The following KHSRP variants were observed in gnomAD, a reference collection of about 807,000 sequenced individuals.
KHSRP encodes far upstream element-binding protein 2.
In KHSRP, 13 loss-of-function variants were observed where a neutral mutation model predicts 94.9. The ratio of observed to expected loss-of-function variants is 0.14; its 90% CI spans 0.09 to 0.22. KHSRP has a LOEUF of 0.22. KHSRP is among the 10% of genes least tolerant of loss of function. KHSRP has a pLI of 1.00. For synonymous variants in KHSRP, 495 were observed against 401.4 expected, an observed-to-expected ratio of 1.23 and a Z score of -2.79; for missense variants, 710 against 1,010.0, an observed-to-expected ratio of 0.70 and a Z score of 4.03.
Position 6,414,462 on chromosome 19 carries a change from T to C in KHSRP, c.*562A>G. On this transcript the variant is annotated 3_prime_UTR_variant, in exon 19 of 19. Coordinates refer to ENST00000600480, the MANE Select transcript of KHSRP (RefSeq NM_001366299.1). Reference sequence around the variant, plus strand: ...CACGACGACATGAACAATCCAGAGATCATGGTGTCCCCACAACACCCCTGT... The same window carrying C: ...CACGACGACATGAACAATCCAGAGACCATGGTGTCCCCACAACACCCCTGT... The C allele has an allele frequency of 6.0e-6, 7 of 1,159,358 alleles. No individual in the cohort carries two copies. Among genetic ancestry groups the C allele is most frequent in the Non-Finnish European group, 6.4e-6 (6 of 939,458 alleles). 71.8% of individuals were successfully genotyped at this position (1,159,358 alleles called of 1,614,324 possible).
At chr19:6,421,570 C>T in intron 3 of KHSRP, 80 bp downstream of exon 3, 1 of 1,485,232 alleles carries the variant, frequency 6.7e-7, no homozygotes, top group Admixed American at 1.7e-5. Flanking sequence ...CTGCCACCTC[C>T]TCAGTGCTTC....
intron 18 of KHSRP, 32 bp downstream of exon 18, chr19:6,415,348 C>G: frequency 1.2e-6 from 2 of 1,612,544 alleles, no homozygotes; most frequent in Non-Finnish European, 1.7e-6. Flanking sequence ...GAGGGCTGCC[C>G]CTGCCCCTGT....
intron 6 of KHSRP, 74 bp from the exon 7 acceptor site, chr19:6,419,334 A>G: frequency 1.4e-6 from 2 of 1,381,052 alleles, no homozygotes; most frequent in South Asian, 2.6e-5. Flanking sequence ...ACACGAGGAA[A>G]CTTTCAGAAC....
chr19:6,419,103 G>C, intron 7 of KHSRP, 100 bp downstream of exon 7: 1 of 1,240,828 alleles, frequency 8.1e-7, no homozygotes, highest in Non-Finnish European at 1.1e-6. Context: ...CAAGAATGGA[G>C]GACATGGCGT....
At position 6,414,510 on chromosome 19, in the gene KHSRP, C is replaced by T. The variant is rs997048992; in HGVS notation, c.*514G>A. 62 of 1,050,720 alleles carry T rather than the reference C, an allele frequency of 5.9e-5. No homozygotes were observed. Among genetic ancestry groups the T allele is most frequent in the Non-Finnish European group, 6.6e-5 (58 of 872,466 alleles). The allele number at this position is 1,050,720 out of a possible 1,614,324, so 65.1% of individuals were successfully genotyped here. A position where few individuals can be genotyped will look rare whatever the true frequency, so the allele number is the denominator to read the frequency against. On this transcript the variant is annotated 3_prime_UTR_variant, in exon 19 of 19. Transcript: ENST00000600480. Reference sequence around the variant, plus strand: ...TGTGAGGTAGGTTGGAAGGTGGCAACGATCTTCACGCCCACTTCACAGACA... The same window carrying T: ...TGTGAGGTAGGTTGGAAGGTGGCAATGATCTTCACGCCCACTTCACAGACA...
At position 6,424,731 on chromosome 19, in the gene KHSRP, G is replaced by A; in HGVS notation, c.-30C>T. On this transcript the variant is annotated 5_prime_UTR_variant, in exon 1 of 19. Coordinates refer to ENST00000600480, the MANE Select transcript of KHSRP (RefSeq NM_001366299.1). Reference sequence around the variant, plus strand: ...CGGCGGGGCCGGGCCTGGCGCGGAGGCTGAAGCTGAGGAGGCGGCGGCGGC... The same window carrying A: ...CGGCGGGGCCGGGCCTGGCGCGGAGACTGAAGCTGAGGAGGCGGCGGCGGC... The A allele has an allele frequency of 9.9e-7, 1 of 1,009,112 alleles. No individual in the cohort carries two copies. 62.5% of individuals were successfully genotyped at this position (1,009,112 alleles called of 1,614,324 possible).
chr19:6,418,998 G>C lies in KHSRP; in HGVS notation c.606-122C>G. ...GTGTGCAAGGATGACAGGGAAGAGG[G>C]GCCAGTCACAGGGGCTGTTCAGGCT... On this transcript the variant is annotated intron_variant, in intron 7 of 18. Coordinates refer to ENST00000600480, the MANE Select transcript of KHSRP (RefSeq NM_001366299.1). This position sits in a 1 kb window ranked among gnomAD's most constrained non-coding sequence, Gnocchi z 4.3. 1 of 1,199,480 alleles carries C rather than the reference G, an allele frequency of 8.3e-7. No individual in the cohort carries two copies. Among genetic ancestry groups the C allele is most frequent in the Non-Finnish European group, 1.1e-6 (1 of 879,618 alleles). 74.3% of individuals were successfully genotyped at this position (1,199,480 alleles called of 1,614,324 possible).
chr19:6,417,585 G>A (rs1288611103), intron 11 of KHSRP, among the ~76,000 whole-genome samples, 154 bp downstream of exon 11: 1 of 152,222 alleles, frequency 6.6e-6, no homozygotes, highest in Admixed American at 6.5e-5. Flanking sequence ...TCCCAGAGAA[G>A]AGAAGGGACT....
rs1345239648 is a variant in KHSRP, at chr19:6,416,637, C to G, written c.1341G>C (p.Val447=). The G allele has an allele frequency of 6.2e-7, 1 of 1,613,922 alleles. No homozygotes were observed. The highest frequency in any genetic ancestry group is 1.1e-5 in the South Asian group (1 of 91,082). ...CTCCCGTCTGCTGGTTTATGGCTTT[C>G]ACATTCTCGCCACCTGCAGAAACGC... The part of the protein sequence containing the change: ...GLVIGRGGEN[V]KAINQQTGAF... Residue 447 remains valine (V), a synonymous_variant, in exon 14 of 19, where the codon GTG becomes GTC. Transcript: ENST00000600480.
intron 2 of KHSRP, among the ~76,000 whole-genome samples, chr19:6,422,028 C>T (rs2092198132): frequency 6.6e-6 from 1 of 152,306 alleles, no homozygotes; most frequent in South Asian, 2.1e-4. Context: ...TCACACTACG[C>T]ACCCCAGAGC....
chr19:6,424,421 G>C (rs1296312653), intron 1 of KHSRP, 32 bp downstream of exon 1: 39 of 979,160 alleles, frequency 4.0e-5, no homozygotes, highest in Non-Finnish European at 4.4e-5. Context: ...GCGCGCGCGC[G>C]AGCGCGCCCC....
chr19:6,421,675 G>C lies in KHSRP; in HGVS notation c.360C>G (p.Ser120Arg). 2 of 1,613,910 alleles carry C rather than the reference G, an allele frequency of 1.2e-6. No homozygotes were observed. The highest frequency in any genetic ancestry group is 8.5e-7 in the Non-Finnish European group (1 of 1,179,888). The change falls in exon 3 of 19, where the codon AGC (serine) becomes AGG (arginine). Residue 120 changes from serine to arginine, a missense_variant. By Grantham distance (110) the Ser-to-Arg change is moderately radical. This residue lies in a region of KHSRP where 288 missense variants were observed against 501.1 expected (regional missense o/e 0.57). Coordinates refer to ENST00000600480, the MANE Select transcript of KHSRP (RefSeq NM_001366299.1). The stretch of plus-strand genomic sequence containing the variant: ...AGTCTCCCTGGGAAGCCAGCTTCTT[G>C]CTCTCCGGTTGATCTGGGAAAGAGA... ...RQLEDGDQPE[S>R]KKLASQGDSI...
chr19:6,422,087 C>T (rs1231782269), intron 2 of KHSRP, among the ~76,000 whole-genome samples: 1 of 152,172 alleles, frequency 6.6e-6, no homozygotes, highest in African/African-American at 2.4e-5. Flanking sequence ...GTTGCCTCAG[C>T]CTCCCAGAAA....
rs8112402 is a variant in KHSRP at position 6,420,069 on chromosome 19, A to T, written c.547+4T>A. 1 of 1,611,362 alleles carries T rather than the reference A, an allele frequency of 6.2e-7. No individual in the cohort carries two copies. Among genetic ancestry groups the T allele is most frequent in the Non-Finnish European group, 8.5e-7 (1 of 1,177,578 alleles). ...ACTCTGGCAGGAACCTGACGCTCTT[A>T]TACCTGGAGAAATCTGTACTTTGCA... is the stretch of plus-strand genomic sequence containing the variant. On this transcript the variant is annotated splice_donor_region_variant and intron_variant, in intron 6 of 18. Coordinates refer to ENST00000600480, the MANE Select transcript of KHSRP (RefSeq NM_001366299.1).
chr19:6,415,020 G>A lies in KHSRP; in HGVS notation c.*4C>T, dbSNP rs2092132736. The stretch of plus-strand genomic sequence containing the variant: ...CTCCGGCCACACGGCCCCCGCTGCA[G>A]GCATCAAGGGCACACCCCGCAGGGG... On this transcript the variant is annotated 3_prime_UTR_variant, in exon 19 of 19. Coordinates refer to ENST00000600480, the MANE Select transcript of KHSRP (RefSeq NM_001366299.1). The A allele has an allele frequency of 2.0e-6, 3 of 1,478,858 alleles. No homozygotes were observed. The highest frequency in any genetic ancestry group is 1.8e-6 in the Non-Finnish European group (2 of 1,123,262). 91.6% of individuals were successfully genotyped at this position (1,478,858 alleles called of 1,614,324 possible).
At position 6,414,259 on chromosome 19, in the gene KHSRP, G is replaced by C. The variant is rs756705390; in HGVS notation, c.*765C>G. ...CCCAAACCTGCGCTGGCTCAGGCTG[G>C]AAGGACGTGCTTGTTAACTGTCTAG... On this transcript the variant is annotated 3_prime_UTR_variant, in exon 19 of 19. Coordinates refer to ENST00000600480, the MANE Select transcript of KHSRP (RefSeq NM_001366299.1). 3 of 1,470,046 alleles carry C rather than the reference G, an allele frequency of 2.0e-6. No homozygotes were observed. The highest frequency in any genetic ancestry group is 2.8e-5 in the South Asian group (2 of 72,006). 91.1% of individuals were successfully genotyped at this position (1,470,046 alleles called of 1,614,324 possible). A position where few individuals can be genotyped will look rare whatever the true frequency, so the allele number is the denominator to read the frequency against.
At chr19:6,417,926 G>A (rs906203690) in intron 10 of KHSRP, 55 bp downstream of exon 10, 202 of 1,599,888 alleles carry the variant, frequency 1.3e-4, no homozygotes, top group Non-Finnish European at 1.5e-4. Context: ...CACTCACCCC[G>A]GCCCCTCCCT....
chr19:6,414,142 G>A lies in KHSRP; in HGVS notation c.*882C>T. 2 of 925,580 alleles carry A rather than the reference G, an allele frequency of 2.2e-6. No homozygotes were observed. Among genetic ancestry groups the A allele is most frequent in the Non-Finnish European group, 1.7e-6 (1 of 604,794 alleles). 57.3% of individuals were successfully genotyped at this position (925,580 alleles called of 1,614,324 possible). The stretch of plus-strand genomic sequence containing the variant: ...GAGCCTGCGGAGAGGGAAGAGATAG[G>A]AATTGGTCACTACGGGGAGGGAAGG... On this transcript the variant is annotated 3_prime_UTR_variant, in exon 19 of 19. Coordinates refer to ENST00000600480, the MANE Select transcript of KHSRP (RefSeq NM_001366299.1).
chr19:6,419,744 T>C (rs8105183), intron 6 of KHSRP, among the ~76,000 whole-genome samples: 1,567 of 152,312 alleles, frequency 0.01, 15 homozygotes, highest in South Asian at 0.029. Context: ...CACCACCCTG[T>C]CTCACGCAGT....
Sources: allele counts gnomAD v4.1 joint callset (sites outside exome capture counted in the v4.1 genomes callset), GRCh38; gene constraint gnomAD v4.1.1; regional missense constraint gnomAD v4.1.1; non-coding constraint Gnocchi (gnomAD v3.1); transcripts MANE v1.5; gene names NCBI Gene and HGNC (gene_info 2026-07-23, HGNC 2026-07-21).